Variants in ITGBL1 observed in about 807,000 individuals in gnomAD.
ITGBL1 encodes the protein integrin beta-like protein 1.
Under a neutral mutation model 68.5 loss-of-function variants are expected in ITGBL1, and 51 were observed. That is an observed-to-expected ratio of 0.74 (90% CI 0.59 to 0.94). ITGBL1 has a LOEUF of 0.94. Ranked by LOEUF, ITGBL1 falls within the 40% of genes least tolerant of loss-of-function variation. The pLI, the probability that ITGBL1 is intolerant of heterozygous loss-of-function variation, is 0.00. For synonymous variants in ITGBL1, 209 were observed against 227.3 expected (o/e 0.92, Z 0.72); for missense variants, 649 against 647.4 (o/e 1.00, Z -0.03).
At chr13:101,599,065 G>A (rs1411793871) in intron 7 of ITGBL1, among the ~76,000 whole-genome samples, 1 of 152,166 alleles carries the variant, frequency 6.6e-6, no homozygotes, top group Non-Finnish European at 1.5e-5. Context: ...GTGTAAAAGT[G>A]TTCCTATTTC....
chr13:101,710,557 G>A (rs980432876), intron 9 of ITGBL1, among the ~76,000 whole-genome samples: 7 of 152,134 alleles, frequency 4.6e-5, no homozygotes, highest in African/African-American at 1.7e-4. Context: ...TTTGACTGGG[G>A]CCATGTATTT....
At chr13:101,670,372 G>C (rs2033327938) in intron 7 of ITGBL1, among the ~76,000 whole-genome samples, 1 of 152,114 alleles carries the variant, frequency 6.6e-6, no homozygotes, top group South Asian at 2.1e-4. Context: ...GTTCGTGTTT[G>C]TGTGTTTCTT....
intron 7 of ITGBL1, among the ~76,000 whole-genome samples, chr13:101,598,532 G>C (rs1181977052): frequency 2.6e-5 from 4 of 151,832 alleles, no homozygotes; most frequent in African/African-American, 9.7e-5. Context: ...TGTGCTGCAT[G>C]CATTAACTGG....
At chr13:101,670,182 C>CCA (rs2033322684) in intron 7 of ITGBL1, among the ~76,000 whole-genome samples, 1 of 152,118 alleles carries the variant, frequency 6.6e-6, no homozygotes, top group Admixed American at 6.5e-5. Context: ...TTTTTAAGAG[C>CCA]CACATATTAC....
At chr13:101,704,124 CTT>C (rs1395865051) in intron 8 of ITGBL1, among the ~76,000 whole-genome samples, 1 of 152,130 alleles carries the variant, frequency 6.6e-6, no homozygotes, top group African/African-American at 2.4e-5. Flanking sequence ...GCTGCTGACT[CTT>C]TACAGCACCC....
chr13:101,598,552 A>G (rs2030139193), intron 7 of ITGBL1, among the ~76,000 whole-genome samples: 1 of 152,092 alleles, frequency 6.6e-6, no homozygotes, highest in Admixed American at 6.5e-5. Flanking sequence ...GTCATTTAGC[A>G]TTAGGTATAT....
intron 2 of ITGBL1, among the ~76,000 whole-genome samples, chr13:101,499,158 G>C (rs1403638374): frequency 6.6e-6 from 1 of 152,102 alleles, no homozygotes; most frequent in East Asian, 1.9e-4. Flanking sequence ...TGTGTTATCT[G>C]TGCTCTAAGT....
chr13:101,599,409 T>G (rs1351496903), intron 7 of ITGBL1, among the ~76,000 whole-genome samples: 1 of 150,406 alleles, frequency 6.6e-6, no homozygotes, highest in South Asian at 2.1e-4. Flanking sequence ...TGATGGTGGT[T>G]TCTTTTGCTG....
chr13:101,650,463 C>T (rs1370602085), intron 7 of ITGBL1, among the ~76,000 whole-genome samples: 1 of 151,870 alleles, frequency 6.6e-6, no homozygotes, highest in African/African-American at 2.4e-5. Context: ...AGCATAAATA[C>T]ATTCATGGTA....
intron 9 of ITGBL1, among the ~76,000 whole-genome samples, chr13:101,710,449 CCCCA>C (rs2139598995): frequency 6.6e-6 from 1 of 152,224 alleles, no homozygotes; most frequent in East Asian, 1.9e-4. Context: ...GGGAGCACTA[CCCCA>C]CAACCCACCC....
At chr13:101,672,006 G>A (rs2033390968) in intron 7 of ITGBL1, among the ~76,000 whole-genome samples, 1 of 152,104 alleles carries the variant, frequency 6.6e-6, no homozygotes, top group African/African-American at 2.4e-5. Context: ...TGACTTTTTA[G>A]TCTCAAGAGA....
intron 7 of ITGBL1, among the ~76,000 whole-genome samples, chr13:101,670,230 A>T (rs562934935): frequency 6.6e-6 from 1 of 152,284 alleles, no homozygotes; most frequent in East Asian, 1.9e-4. Flanking sequence ...TACTTCTATG[A>T]TATGAAGTGC....
intron 2 of ITGBL1, 100 bp downstream of exon 2, chr13:101,454,200 T>C: frequency 1.3e-6 from 1 of 759,404 alleles, no homozygotes; most frequent in Non-Finnish European, 1.9e-6. Context: ...CACGCCTCCC[T>C]TCACATAAGC....
intron 7 of ITGBL1, among the ~76,000 whole-genome samples, chr13:101,663,658 G>A (rs1426478281): frequency 1.3e-5 from 2 of 152,138 alleles, no homozygotes; most frequent in Non-Finnish European, 2.9e-5. Context: ...CCAATCAAAA[G>A]CAGATGAGAT....
Position 101,667,462 on chromosome 13 carries a change from A to G in ITGBL1, c.1016-25123A>G, listed in dbSNP as rs570968942. Among the ~76,000 whole-genome samples the G allele has an allele frequency of 2.0e-5, 3 of 151,216 alleles. No homozygotes were observed. The East Asian group carries it at 5.8e-4, about 29-fold the overall frequency. On this transcript the variant is annotated intron_variant, in intron 7 of 10. Transcript: ENST00000376180. ...CATAAACAGCAAGGAATTAATCCTT[A>G]ATCTAATTTAACACTGAGAAAAAAA...
At chr13:101,489,792 T>C (rs1566698545) in intron 2 of ITGBL1, among the ~76,000 whole-genome samples, 1 of 152,084 alleles carries the variant, frequency 6.6e-6, no homozygotes, top group Non-Finnish European at 1.5e-5. Flanking sequence ...GATGAGGTCA[T>C]TGATATCAGA....
At chr13:101,490,301 G>A (rs79584851) in intron 2 of ITGBL1, among the ~76,000 whole-genome samples, 9,062 of 152,190 alleles carry the variant, frequency 0.06, 451 homozygotes, top group East Asian at 0.29. Context: ...GAATCTTCCC[G>A]CACTTTGTTC....
chr13:101,465,452 T>A (rs941102968), intron 2 of ITGBL1, among the ~76,000 whole-genome samples: 9 of 152,208 alleles, frequency 5.9e-5, no homozygotes, highest in African/African-American at 2.2e-4. Flanking sequence ...CTTCTAATAA[T>A]AAATTCTGAT....
At chr13:101,633,349 T>A (rs1195248536) in intron 7 of ITGBL1, among the ~76,000 whole-genome samples, 1 of 152,168 alleles carries the variant, frequency 6.6e-6, no homozygotes, top group Non-Finnish European at 1.5e-5. Context: ...ATGCATATTG[T>A]TTTGTATCTT....
Sources: allele counts gnomAD v4.1 joint callset (sites outside exome capture counted in the v4.1 genomes callset), GRCh38; gene constraint gnomAD v4.1.1; transcripts MANE v1.5; gene names NCBI Gene and HGNC (gene_info 2026-07-23, HGNC 2026-07-21).